Variants in MTLN observed in about 807,000 individuals in gnomAD.
MTLN encodes TP53-inhibiting lncRNA.
Position 110,211,564 on chromosome 2 carries a change from T to C in MTLN, c.*199A>G, listed in dbSNP as rs1686101882. 6.6e-6 allele frequency: 1 copy of C among 152,172 alleles called. No homozygotes were observed. The highest frequency in any genetic ancestry group is 2.4e-5 in the African/African-American group (1 of 41,444). 9.4% of individuals were successfully genotyped at this position (152,172 alleles called of 1,614,324 possible). A position where few individuals can be genotyped will look rare whatever the true frequency, so the allele number is the denominator to read the frequency against. ...TTTTTTATTTTAAAAATAAAATTGA[T>C]TCATAAAGTGCAAGAAGAAGTCATT... On this transcript the variant is annotated 3_prime_UTR_variant, in exon 2 of 2. Transcript: ENST00000611969.
rs1686104056 is a variant in MTLN, at chr2:110,211,596, C to T, written c.*167G>A. ...AGTGCAAGAAGAAGTCATTTCTTTC[C>T]GGTAGTCTATATGCATCTTCAACAA... On this transcript the variant is annotated 3_prime_UTR_variant, in exon 2 of 2. Coordinates refer to ENST00000611969, the MANE Select transcript of MTLN (RefSeq NM_001384134.1). 3 of 151,900 alleles carry T rather than the reference C, an allele frequency of 2.0e-5. No homozygotes were observed. The highest frequency in any genetic ancestry group is 2.1e-4 in the South Asian group (1 of 4,806). The allele number at this position is 151,900 out of a possible 1,614,324, so 9.4% of individuals were successfully genotyped here.
intron 1 of MTLN, 48 bp downstream of exon 1, chr2:110,212,167 C>T: frequency 2.5e-6 from 1 of 393,072 alleles, no homozygotes; most frequent in Non-Finnish European, 4.5e-6. Context: ...AAGATATCCG[C>T]CCGACCCCAA....
Position 110,212,217 on chromosome 2 carries a change from A to G in MTLN, c.*138T>C. 1 of 392,836 alleles carries G rather than the reference A, an allele frequency of 2.5e-6. No homozygotes were observed. Among genetic ancestry groups the G allele is most frequent in the Non-Finnish European group, 4.5e-6 (1 of 224,088 alleles). The allele number at this position is 392,836 out of a possible 1,614,324, so 24.3% of individuals were successfully genotyped here. A position where few individuals can be genotyped will look rare whatever the true frequency, so the allele number is the denominator to read the frequency against. Reference sequence around the variant, plus strand: ...ATGTCACTATGTGTACTGCTCACCAACACTCCAGGAAGAGCCGGCCATGGC... The same window carrying G: ...ATGTCACTATGTGTACTGCTCACCAGCACTCCAGGAAGAGCCGGCCATGGC... On this transcript the variant is annotated splice_region_variant and 3_prime_UTR_variant, in exon 1 of 2. Transcript: ENST00000611969.
rs1358800578 is a variant in MTLN, at chr2:110,212,428, C to T, written c.98G>A (p.Arg33His). 5.0e-6 allele frequency: 2 copies of T among 399,390 alleles called. No homozygotes were observed. The highest frequency in any genetic ancestry group is 8.8e-6 in the Non-Finnish European group (2 of 226,506). 24.7% of individuals were successfully genotyped at this position (399,390 alleles called of 1,614,324 possible). ...LGWQANRLRR[R>H]YLDWRKRRLQ... ...CCTCCTTTTCCTCCAGTCCAAGTAG[C>T]GCCTCCGCAGTCGGTTCGCCTGCCA... Residue 33 changes from arginine to histidine, a missense_variant, in exon 1 of 2, where the codon CGC becomes CAC. By Grantham distance (29) the Arg-to-His change is conservative (BLOSUM62 0). Coordinates refer to ENST00000611969, the MANE Select transcript of MTLN (RefSeq NM_001384134.1).
intron 1 of MTLN, 97 bp from the exon 2 acceptor site, chr2:110,211,719 A>G (rs1362684649): frequency 1.3e-5 from 2 of 152,198 alleles, no homozygotes; most frequent in African/African-American, 2.4e-5. Flanking sequence ...GATCTGGTTT[A>G]CGACAAGAAA....
At position 110,212,449 on chromosome 2, in the gene MTLN, T is replaced by G. The variant is rs928099237; in HGVS notation, c.77A>C (p.Gln26Pro). 3 of 399,376 alleles carry G rather than the reference T, an allele frequency of 7.5e-6. No homozygotes were observed. Among genetic ancestry groups the G allele is most frequent in the African/African-American group, 6.2e-5 (3 of 48,756 alleles). The allele number at this position is 399,376 out of a possible 1,614,324, so 24.7% of individuals were successfully genotyped here. The change falls in exon 1 of 2, where the codon CAG becomes CCG. Residue 26 changes from glutamine to proline, a missense_variant. Coordinates refer to ENST00000611969, the MANE Select transcript of MTLN (RefSeq NM_001384134.1). ...AFASGVLLGW[Q>P]ANRLRRRYLD... is the part of the protein sequence containing the mutation. ...GTAGCGCCTCCGCAGTCGGTTCGCC[T>G]GCCAGCCCAGGAGTACTCCAGAAGC...
chr2:110,212,504 T>G lies in MTLN; in HGVS notation c.22A>C (p.Thr8Pro). The G allele has an allele frequency of 2.5e-6, 1 of 398,866 alleles. No individual in the cohort carries two copies. Among genetic ancestry groups the G allele is most frequent in the East Asian group, 3.6e-5 (1 of 28,076 alleles). 24.7% of individuals were successfully genotyped at this position (398,866 alleles called of 1,614,324 possible). Reference protein sequence around the residue: MADVSERTLQLSVLVAFA... With the variant: MADVSERPLQLSVLVAFA... ...GCTACTAGCACGGACAACTGCAGTGTCCTCTCTGACACATCCGCCATGGCT... is the reference window on the plus strand; with the variant it reads ...GCTACTAGCACGGACAACTGCAGTGGCCTCTCTGACACATCCGCCATGGCT... Residue 8 changes from threonine (T) to proline (P), a missense_variant, in exon 1 of 2, where the codon ACA (threonine) becomes CCA (proline). Physicochemically the swap from Thr to Pro is conservative, Grantham distance 38 (BLOSUM62 -1). Coordinates refer to ENST00000611969, the MANE Select transcript of MTLN (RefSeq NM_001384134.1).
At chr2:110,212,167 C>A in intron 1 of MTLN, 48 bp downstream of exon 1, 1 of 393,072 alleles carries the variant, frequency 2.5e-6, no homozygotes. Flanking sequence ...AAGATATCCG[C>A]CCGACCCCAA....
In MTLN at chr2:110,212,405, T is replaced by G; in HGVS notation, c.121A>C (p.Arg41=). 5.0e-6 allele frequency: 2 copies of G among 399,196 alleles called. No homozygotes were observed. Among genetic ancestry groups the G allele is most frequent in the Non-Finnish European group, 8.8e-6 (2 of 226,530 alleles). 24.7% of individuals were successfully genotyped at this position (399,196 alleles called of 1,614,324 possible). A position where few individuals can be genotyped will look rare whatever the true frequency, so the allele number is the denominator to read the frequency against. Residue 41 remains arginine (R), a synonymous_variant, in exon 1 of 2, where the codon AGG becomes CGG. Coordinates refer to ENST00000611969, the MANE Select transcript of MTLN (RefSeq NM_001384134.1). ...GTCGCCGCCAGCTTGTCCTGCAGCC[T>G]CCTTTTCCTCCAGTCCAAGTAGCGC... ...RRRYLDWRKR[R]LQDKLAATQK... is the part of the protein sequence containing the mutation.
Position 110,212,233 on chromosome 2 carries a change from C to T in MTLN, c.*122G>A. 1 of 393,336 alleles carries T rather than the reference C, an allele frequency of 2.5e-6. No individual in the cohort carries two copies. The highest frequency in any genetic ancestry group is 4.5e-6 in the Non-Finnish European group (1 of 224,468). 24.4% of individuals were successfully genotyped at this position (393,336 alleles called of 1,614,324 possible). ...TGCTCACCAACACTCCAGGAAGAGCCGGCCATGGCAGGCGGGGACTGTGTG... is the reference window on the plus strand; with the variant it reads ...TGCTCACCAACACTCCAGGAAGAGCTGGCCATGGCAGGCGGGGACTGTGTG... On this transcript the variant is annotated 3_prime_UTR_variant, in exon 1 of 2. Coordinates refer to ENST00000611969, the MANE Select transcript of MTLN (RefSeq NM_001384134.1).
At chr2:110,212,088 C>CAA (rs1412235059) in intron 1 of MTLN, 127 bp downstream of exon 1, 8 of 342,606 alleles carry the variant, frequency 2.3e-5, no homozygotes, top group Non-Finnish European at 4.2e-5. Flanking sequence ...TCAGGGAAGA[C>CAA]AAAACTTCCA....
intron 1 of MTLN, among the ~76,000 whole-genome samples, chr2:110,211,871 C>G (rs977604746): frequency 6.6e-6 from 1 of 152,170 alleles, no homozygotes; most frequent in East Asian, 1.9e-4. Flanking sequence ...TTTACAATCG[C>G]CAAGGCGAAG....
In MTLN at chr2:110,212,419, T is replaced by G; in HGVS notation, c.107A>C (p.Asp36Ala). Residue 36 changes from aspartate to alanine, a missense_variant, in exon 1 of 2, where the codon GAC becomes GCC. By Grantham distance (126) the Asp-to-Ala change is moderately radical (BLOSUM62 -2). Coordinates refer to ENST00000611969, the MANE Select transcript of MTLN (RefSeq NM_001384134.1). ...GTCCTGCAGCCTCCTTTTCCTCCAG[T>G]CCAAGTAGCGCCTCCGCAGTCGGTT... ...QANRLRRRYL[D>A]WRKRRLQDKL... 2.5e-6 allele frequency: 1 copy of G among 399,542 alleles called. No homozygotes were observed. The highest frequency in any genetic ancestry group is 2.1e-5 in the African/African-American group (1 of 48,728). The allele number at this position is 399,542 out of a possible 1,614,324, so 24.7% of individuals were successfully genotyped here. A position where few individuals can be genotyped will look rare whatever the true frequency, so the allele number is the denominator to read the frequency against.
Position 110,212,230 on chromosome 2 carries a change from A to G in MTLN, c.*125T>C. 1 of 393,244 alleles carries G rather than the reference A, an allele frequency of 2.5e-6. No individual in the cohort carries two copies. Among genetic ancestry groups the G allele is most frequent in the East Asian group, 3.6e-5 (1 of 27,914 alleles). 24.4% of individuals were successfully genotyped at this position (393,244 alleles called of 1,614,324 possible). On this transcript the variant is annotated 3_prime_UTR_variant, in exon 1 of 2. Transcript: ENST00000611969. ...TACTGCTCACCAACACTCCAGGAAG[A>G]GCCGGCCATGGCAGGCGGGGACTGT...
rs1222553504 is a variant in MTLN at position 110,211,986 on chromosome 2, ATGT to A, written c.*140+226_*140+228del. Among the ~76,000 whole-genome samples the A allele has an allele frequency of 8.5e-5, 13 of 152,240 alleles. No individual in the cohort carries two copies. The East Asian group carries it at 2.1e-3, about 25-fold the overall frequency. Reference sequence around the variant, plus strand: ...CCAGTATTTTCTATACTGATGTTTAATGTTGTCAGGATGAACGACGACATAGCA... The same window carrying A: ...CCAGTATTTTCTATACTGATGTTTAATGTCAGGATGAACGACGACATAGCA... On this transcript the variant is annotated intron_variant, in intron 1 of 1. Coordinates refer to ENST00000611969, the MANE Select transcript of MTLN (RefSeq NM_001384134.1).
At chr2:110,211,941 C>CT (rs1329258126) in intron 1 of MTLN, among the ~76,000 whole-genome samples, 1 of 152,162 alleles carries the variant, frequency 6.6e-6, no homozygotes, top group African/African-American at 2.4e-5. Context: ...CTCCCTGGTT[C>CT]TTTTTTTCTT....
chr2:110,212,136 G>GACCTAGC (rs1686112368), intron 1 of MTLN, 79 bp downstream of exon 1: 1 of 382,348 alleles, frequency 2.6e-6, no homozygotes, highest in East Asian at 3.7e-5. Context: ...TGTCTTCTGC[G>GACCTAGC]ACCTAGCCAG....
rs965750781 is a variant in MTLN at position 110,212,239 on chromosome 2, T to A, written c.*116A>T. The stretch of plus-strand genomic sequence containing the variant: ...CCAACACTCCAGGAAGAGCCGGCCA[T>A]GGCAGGCGGGGACTGTGTGGCAAGC... On this transcript the variant is annotated 3_prime_UTR_variant, in exon 1 of 2. Coordinates refer to ENST00000611969, the MANE Select transcript of MTLN (RefSeq NM_001384134.1). The A allele has an allele frequency of 2.5e-6, 1 of 397,742 alleles. No individual in the cohort carries two copies. The highest frequency in any genetic ancestry group is 4.4e-6 in the Non-Finnish European group (1 of 225,906). The allele number at this position is 397,742 out of a possible 1,614,324, so 24.6% of individuals were successfully genotyped here.
chr2:110,212,323 G>T lies in MTLN; in HGVS notation c.*32C>A, dbSNP rs563147466. On this transcript the variant is annotated 3_prime_UTR_variant, in exon 1 of 2. Transcript: ENST00000611969. The stretch of plus-strand genomic sequence containing the variant: ...CGCGGACATGGCAAGGTGGCCATGA[G>T]GGGGACAGAATGGGGCGGAAGGCGC... 56 of 340,294 alleles carry T rather than the reference G, an allele frequency of 1.6e-4. No individual in the cohort carries two copies. Among genetic ancestry groups the T allele is most frequent in the Non-Finnish European group, 2.5e-4 (51 of 207,062 alleles). 21.1% of individuals were successfully genotyped at this position (340,294 alleles called of 1,614,324 possible). A position where few individuals can be genotyped will look rare whatever the true frequency, so the allele number is the denominator to read the frequency against.
Sources: allele counts gnomAD v4.1 joint callset (sites outside exome capture counted in the v4.1 genomes callset), GRCh38; gene constraint gnomAD v4.1.1; transcripts MANE v1.5; gene names NCBI Gene and HGNC (gene_info 2026-07-23, HGNC 2026-07-21).